Variants in EMILIN3 observed in about 807,000 individuals in gnomAD.
EMILIN3 encodes elastin microfibril interfacer 3, also known as EMILIN-3.
In EMILIN3, 38 loss-of-function variants were observed where a neutral mutation model predicts 42.8. The ratio of observed to expected loss-of-function variants is 0.89; its 90% CI spans 0.69 to 1.16. EMILIN3 has a LOEUF of 1.16. EMILIN3 is among the 50% of genes most tolerant of loss of function. The pLI is 0.00. For synonymous variants in EMILIN3, 430 were observed against 440.5 expected (o/e 0.98, Z 0.30); for missense variants, 924 against 999.5 (o/e 0.92, Z 1.02).
chr20:41,362,365 G>A lies in EMILIN3; in HGVS notation c.1204C>T (p.Leu402=). 1 of 1,607,452 alleles carries A rather than the reference G, an allele frequency of 6.2e-7. No individual in the cohort carries two copies. The highest frequency in any genetic ancestry group is 1.1e-5 in the South Asian group (1 of 91,068). ...NARMDGLERA[L]QAVTETQRGP... ...CTTTGGGTCTCGGTGACTGCCTGCAGGGCCCTCTCAAGGCCATCCATACGG... is the reference window on the plus strand; with the variant it reads ...CTTTGGGTCTCGGTGACTGCCTGCAAGGCCCTCTCAAGGCCATCCATACGG... The change falls in exon 4 of 4, where the codon CTG becomes TTG. Residue 402 remains leucine, a synonymous_variant. Coordinates refer to ENST00000332312, the MANE Select transcript of EMILIN3 (RefSeq NM_052846.2).
Position 41,363,737 on chromosome 20 carries a change from C to T in EMILIN3, c.415G>A (p.Ala139Thr), listed in dbSNP as rs771399266. The change falls in exon 3 of 4, where the codon GCC becomes ACC. Residue 139 changes from alanine (A) to threonine (T), a missense_variant. By Grantham distance (58) the Ala-to-Thr change is moderately conservative. Transcript: ENST00000332312. ...GGCTCAGGCTCCAGCTGGGGTGAGG[C>T]AGCCCCATGGTCCGTGAGGTGCTCA... ...CPEHLTDHGAASPQLEPEPQI... is the reference protein window; with the variant it reads ...CPEHLTDHGATSPQLEPEPQI... The T allele has an allele frequency of 3.7e-6, 6 of 1,614,016 alleles. No individual in the cohort carries two copies. The highest frequency in any genetic ancestry group is 5.1e-6 in the Non-Finnish European group (6 of 1,180,032).
Position 41,361,337 on chromosome 20 carries a change from G to A in EMILIN3, c.2232C>T (p.Arg744=), listed in dbSNP as rs746152128. The stretch of plus-strand genomic sequence containing the variant: ...GGCAGTCCAGTAGGTCATCCCGGAG[G>A]CGGGCAATGTCCTGCGTGTGCTGGG... ...TLAQHTQDIA[R]LRDDLLDCQA... The change falls in exon 4 of 4, where the codon CGC becomes CGT. Residue 744 remains arginine (R), a synonymous_variant. Transcript: ENST00000332312. The A allele has an allele frequency of 6.2e-7, 1 of 1,611,118 alleles. No homozygotes were observed. Among genetic ancestry groups the A allele is most frequent in the Non-Finnish European group, 8.5e-7 (1 of 1,177,994 alleles).
chr20:41,364,062 T>G (rs538079042), intron 2 of EMILIN3, among the ~76,000 whole-genome samples: 1 of 152,228 alleles, frequency 6.6e-6, no homozygotes, highest in East Asian at 1.9e-4. Context: ...CTCACAGTCA[T>G]GTTAGGGAAG....
chr20:41,362,828 G>A lies in EMILIN3; in HGVS notation c.741C>T (p.Pro247=), dbSNP rs371109867. The A allele has an allele frequency of 5.0e-6, 8 of 1,614,046 alleles. No homozygotes were observed. Among genetic ancestry groups the A allele is most frequent in the Admixed American group, 3.3e-5 (2 of 60,002 alleles). The part of the protein sequence containing the change: ...GDRARGPLTP[P]LDEILSKVTE... Reference sequence around the variant, plus strand: ...TCACCTTGCTTAGGATCTCGTCTAAGGGAGGTGTTAGTGGCCCTCTGGCTC... The same window carrying A: ...TCACCTTGCTTAGGATCTCGTCTAAAGGAGGTGTTAGTGGCCCTCTGGCTC... The change falls in exon 4 of 4, where the codon CCC becomes CCT. Residue 247 remains proline, a synonymous_variant. Transcript: ENST00000332312.
At chr20:41,365,807 T>C (rs1417701451) in intron 1 of EMILIN3, among the ~76,000 whole-genome samples, 2 of 152,148 alleles carry the variant, frequency 1.3e-5, no homozygotes, top group African/African-American at 4.8e-5. Flanking sequence ...CTGAGGCCAG[T>C]TCGCAAGCCA....
At position 41,362,243 on chromosome 20, in the gene EMILIN3, GA is replaced by G; in HGVS notation, c.1325del (p.Leu442ProfsTer13). 1 of 1,612,018 alleles carries G rather than the reference GA, an allele frequency of 6.2e-7. No individual in the cohort carries two copies. ...VDGLLEGLET[L>X]NGTEGGARGC... ...CCCTTGCTCCACCCTCTGTCCCATT[GA>G]GCGTCTCCAGACCCTCAAGCAGCCC... On this transcript the variant is annotated frameshift_variant, in exon 4 of 4. Coordinates refer to ENST00000332312, the MANE Select transcript of EMILIN3 (RefSeq NM_052846.2). LOFTEE classifies it high-confidence loss of function.
Position 41,361,833 on chromosome 20 carries a change from G to A in EMILIN3, c.1736C>T (p.Ser579Leu), listed in dbSNP as rs772266071. The change falls in exon 4 of 4, where the codon TCA becomes TTA. Residue 579 changes from serine to leucine, a missense_variant. Coordinates refer to ENST00000332312, the MANE Select transcript of EMILIN3 (RefSeq NM_052846.2). ...QGQLAEGTGS[S>L]LQGEITLLKV... ...GAGCAGAGTGATCTCGCCTTGAAGTGAGCTGCCCGTCCCTTCTGCCAGCTG... is the reference window on the plus strand; with the variant it reads ...GAGCAGAGTGATCTCGCCTTGAAGTAAGCTGCCCGTCCCTTCTGCCAGCTG... The A allele has an allele frequency of 1.1e-5, 17 of 1,613,424 alleles. No individual in the cohort carries two copies. Among genetic ancestry groups the A allele is most frequent in the Middle Eastern group, 1.6e-4 (1 of 6,084 alleles).
In EMILIN3 at chr20:41,363,018, T is replaced by C; in HGVS notation, c.551A>G (p.Glu184Gly). The C allele has an allele frequency of 6.2e-7, 1 of 1,601,264 alleles. No homozygotes were observed. The highest frequency in any genetic ancestry group is 8.5e-7 in the Non-Finnish European group (1 of 1,170,690). ...KGPGLFGERLERLEGDVQRLA... is the reference protein window; with the variant it reads ...KGPGLFGERLGRLEGDVQRLA... ...GCGCTGGACATCACCCTCCAGGCGT[T>C]CCAGCCGCTCACCAAACAGCCCTGG... The change falls in exon 4 of 4, where the codon GAA (glutamate) becomes GGA (glycine). Residue 184 changes from glutamate to glycine, a missense_variant. Transcript: ENST00000332312.
intron 2 of EMILIN3, among the ~76,000 whole-genome samples, chr20:41,364,608 A>G (rs560069865): frequency 6.6e-6 from 1 of 152,124 alleles, no homozygotes; most frequent in South Asian, 2.1e-4. Flanking sequence ...TCCCTGCCCC[A>G]TGGCCTGCCT....
chr20:41,360,901 CT>C lies in EMILIN3; in HGVS notation c.*366del. ...ACTGCCTGCAGGGTCCTCTCAAGGC[CT>C]TACATACGGACACTGATCAAGGCCA... is the stretch of plus-strand genomic sequence containing the variant. On this transcript the variant is annotated 3_prime_UTR_variant, in exon 4 of 4. Transcript: ENST00000332312. 1 of 305,394 alleles carries C rather than the reference CT, an allele frequency of 3.3e-6. No individual in the cohort carries two copies. Among genetic ancestry groups the C allele is most frequent in the East Asian group, 6.2e-5 (1 of 16,176 alleles). The allele number at this position is 305,394 out of a possible 1,614,324, so 18.9% of individuals were successfully genotyped here. A position where few individuals can be genotyped will look rare whatever the true frequency, so the allele number is the denominator to read the frequency against.
At position 41,365,265 on chromosome 20, in the gene EMILIN3, G is replaced by A. The variant is rs140921843; in HGVS notation, c.168-108C>T. ...CCTCAGCAGGACTCCAAACTCCCAT[G>A]TCTCTTCTGTCTGTTCTCTGTGTCC... On this transcript the variant is annotated intron_variant, in intron 1 of 3. Coordinates refer to ENST00000332312, the MANE Select transcript of EMILIN3 (RefSeq NM_052846.2). 7,219 of 1,436,336 alleles carry A rather than the reference G, an allele frequency of 5.0e-3. 24 individuals are homozygous for A. Among genetic ancestry groups the A allele is most frequent in the Non-Finnish European group, 6.1e-3 (6,553 of 1,073,844 alleles). The allele number at this position is 1,436,336 out of a possible 1,614,324, so 89.0% of individuals were successfully genotyped here. A position where few individuals can be genotyped will look rare whatever the true frequency, so the allele number is the denominator to read the frequency against.
rs114757366 is a variant in EMILIN3, at chr20:41,365,049, G to A, written c.276C>T (p.Cys92=). ...EYRQCRWGPK[C]PGTVTYRTVL... ...AGTGCACTTACGTGACTGTCCCGGG[G>A]CACTTGGGCCCCCATCTACACTGCC... Residue 92 remains cysteine (C), a synonymous_variant, in exon 2 of 4, where the codon TGC becomes TGT. Transcript: ENST00000332312. 1.3e-3 allele frequency: 2,099 copies of A among 1,613,660 alleles called. 19 individuals carry two copies. In the African/African-American group the frequency reaches 0.025, roughly 19 times the overall value.
intron 2 of EMILIN3, 54 bp from the exon 3 acceptor site, chr20:41,363,915 C>A: frequency 6.4e-7 from 1 of 1,568,858 alleles, no homozygotes; most frequent in South Asian, 1.1e-5. Flanking sequence ...CTGTGCTTCT[C>A]CCCCTAGCTG....
Position 41,361,064 on chromosome 20 carries a change from G to A in EMILIN3, c.*204C>T, listed in dbSNP as rs751118596. On this transcript the variant is annotated 3_prime_UTR_variant, in exon 4 of 4. Coordinates refer to ENST00000332312, the MANE Select transcript of EMILIN3 (RefSeq NM_052846.2). ...CAAGCATGACATCCTTGCCTTGACC[G>A]CTGTCCGGAACTGTCCAGTTTCTGC... is the stretch of plus-strand genomic sequence containing the variant. 12 of 501,028 alleles carry A rather than the reference G, an allele frequency of 2.4e-5. No homozygotes were observed. The highest frequency in any genetic ancestry group is 3.5e-5 in the Non-Finnish European group (10 of 287,622). 31.0% of individuals were successfully genotyped at this position (501,028 alleles called of 1,614,324 possible).
chr20:41,364,929 T>C (rs555589298), intron 2 of EMILIN3, 106 bp downstream of exon 2: 2 of 1,531,462 alleles, frequency 1.3e-6, no homozygotes, highest in Admixed American at 3.6e-5. Flanking sequence ...GTGGGCTCTC[T>C]GGAGTCCAAG....
Position 41,362,509 on chromosome 20 carries a change from T to C in EMILIN3, c.1060A>G (p.Ser354Gly), listed in dbSNP as rs200528742. 1.2e-4 allele frequency: 195 copies of C among 1,599,408 alleles called. No individual in the cohort carries two copies. The highest frequency in any genetic ancestry group is 1.6e-4 in the Non-Finnish European group (188 of 1,179,418). Residue 354 changes from serine (S) to glycine (G), a missense_variant, in exon 4 of 4, where the codon AGC (serine) becomes GGC (glycine). Transcript: ENST00000332312. ...AGGGCCAGCTCCCGGCCATCAAGGCTCTGGTGCAGCCTCCGGCTGGCGGCC... is the reference window on the plus strand; with the variant it reads ...AGGGCCAGCTCCCGGCCATCAAGGCCCTGGTGCAGCCTCCGGCTGGCGGCC... ...GQAASRRLHQ[S>G]LDGRELALRQ... is the part of the protein sequence containing the mutation.
intron 2 of EMILIN3, 35 bp downstream of exon 2, chr20:41,365,000 G>C: frequency 6.2e-7 from 1 of 1,612,032 alleles, no homozygotes; most frequent in Non-Finnish European, 8.5e-7. Context: ...CTTGTGCCAG[G>C]GGATTCCAAG....
Position 41,366,424 on chromosome 20 carries a change from G to A in EMILIN3, c.167+44C>T. 9.1e-7 allele frequency: 1 copy of A among 1,098,804 alleles called. No individual in the cohort carries two copies. Among genetic ancestry groups the A allele is most frequent in the Non-Finnish European group, 1.1e-6 (1 of 902,806 alleles). The allele number at this position is 1,098,804 out of a possible 1,614,324, so 68.1% of individuals were successfully genotyped here. A position where few individuals can be genotyped will look rare whatever the true frequency, so the allele number is the denominator to read the frequency against. ...GCAGGTGGGAGCGGCGACGCGCGCG[G>A]GCCCATCCCTCCCTCTTCCCGCCCG... On this transcript the variant is annotated intron_variant, in intron 1 of 3. Transcript: ENST00000332312. The surrounding 1 kb of genome is among the most constrained non-coding windows in gnomAD (Gnocchi z 4.2).
Position 41,365,055 on chromosome 20 carries a change from G to A in EMILIN3, c.270C>T (p.Pro90=), listed in dbSNP as rs1306336197. The part of the protein sequence containing the change: ...KAEYRQCRWG[P]KCPGTVTYRT... Reference sequence around the variant, plus strand: ...CTTACGTGACTGTCCCGGGGCACTTGGGCCCCCATCTACACTGCCGGTATT... The same window carrying A: ...CTTACGTGACTGTCCCGGGGCACTTAGGCCCCCATCTACACTGCCGGTATT... Residue 90 remains proline, a synonymous_variant, in exon 2 of 4, where the codon CCC becomes CCT. Transcript: ENST00000332312. 6.2e-7 allele frequency: 1 copy of A among 1,613,574 alleles called. No homozygotes were observed. The highest frequency in any genetic ancestry group is 1.7e-5 in the Admixed American group (1 of 60,006).
Sources: allele counts gnomAD v4.1 joint callset (sites outside exome capture counted in the v4.1 genomes callset), GRCh38; gene constraint gnomAD v4.1.1; non-coding constraint Gnocchi (gnomAD v3.1); transcripts MANE v1.5; gene names NCBI Gene and HGNC (gene_info 2026-07-23, HGNC 2026-07-21).